SLC44A5: variants seen among roughly 807,000 people sequenced by gnomAD.
SLC44A5 encodes the protein choline transporter-like protein 5.
Under a neutral mutation model 101.8 loss-of-function variants are expected in SLC44A5, and 57 were observed. That is an observed-to-expected ratio of 0.56 (90% CI 0.45 to 0.70). The LOEUF (loss-of-function observed/expected upper bound fraction) is 0.70, where lower values mean the gene tolerates loss of function less well. SLC44A5 is among the 30% of genes least tolerant of loss of function. The pLI, the probability that SLC44A5 is intolerant of heterozygous loss-of-function variation, is 0.00. For missense variants in SLC44A5, 737 were observed against 853.1 expected (o/e 0.86, Z 1.70); for synonymous variants, 281 against 290.9 (o/e 0.97, Z 0.35).
At chr1:75,482,390 T>C (rs1439526965) in intron 2 of SLC44A5, among the ~76,000 whole-genome samples, 1 of 152,004 alleles carries the variant, frequency 6.6e-6, no homozygotes, top group African/African-American at 2.4e-5. Context: ...CTGCACATTG[T>C]GCACATGTAC....
At chr1:75,304,292 AG>A (rs1654741835) in intron 4 of SLC44A5, among the ~76,000 whole-genome samples, 5 of 68,944 alleles carry the variant, frequency 7.3e-5, no homozygotes, top group South Asian at 4.4e-4. Flanking sequence ...ATTTTTAAAT[AG>A]GTGTGTGTGT....
intron 1 of SLC44A5, among the ~76,000 whole-genome samples, chr1:75,609,208 T>C (rs1675507047): frequency 6.6e-6 from 1 of 151,840 alleles, no homozygotes; most frequent in African/African-American, 2.4e-5. Flanking sequence ...AAGGACTAAC[T>C]GGGCTGGGAG....
chr1:75,435,236 C>T (rs1411867199), intron 2 of SLC44A5, among the ~76,000 whole-genome samples: 1 of 152,076 alleles, frequency 6.6e-6, no homozygotes. Context: ...GTACAAGGTA[C>T]TAGAGTTTCA....
the SLC44A5 span, among the ~76,000 whole-genome samples, chr1:75,639,060 G>A: frequency 9.2e-5 from 14 of 152,192 alleles, no homozygotes; most frequent in Admixed American, 4.6e-4. Context: ...ATGGGGGGAA[G>A]AGAGTTGGAA....
At chr1:75,420,942 ATAAAT>A (rs1437238348) in intron 2 of SLC44A5, among the ~76,000 whole-genome samples, 5 of 152,260 alleles carry the variant, frequency 3.3e-5, no homozygotes, top group African/African-American at 9.6e-5. Flanking sequence ...TGGCTATAGA[ATAAAT>A]AGCCATTAGA....
intron 2 of SLC44A5, among the ~76,000 whole-genome samples, chr1:75,512,184 TG>T (rs1386827921): frequency 6.6e-6 from 1 of 152,154 alleles, no homozygotes; most frequent in Non-Finnish European, 1.5e-5. Context: ...ATTTTATAAA[TG>T]AAAAATAAAA....
the SLC44A5 span, chr1:75,641,239 A>C: frequency 7.3e-6 from 3 of 409,248 alleles, no homozygotes; most frequent in Non-Finnish European, 4.4e-6. Flanking sequence ...ATTTGTCTCC[A>C]TCATAATCTT....
chr1:75,333,321 G>A (rs141450730), intron 4 of SLC44A5, among the ~76,000 whole-genome samples: 10 of 152,194 alleles, frequency 6.6e-5, no homozygotes, highest in Admixed American at 3.9e-4. Context: ...TTCTTCATTC[G>A]GAATGGAGCA....
At chr1:75,488,785 G>C (rs1668287470) in intron 2 of SLC44A5, among the ~76,000 whole-genome samples, 1 of 152,178 alleles carries the variant, frequency 6.6e-6, no homozygotes, top group African/African-American at 2.4e-5. Context: ...TATATGTTCT[G>C]TGGTGAAATA....
chr1:75,250,342 T>C (rs1262669220), intron 7 of SLC44A5, among the ~76,000 whole-genome samples: 1 of 152,228 alleles, frequency 6.6e-6, no homozygotes, highest in East Asian at 1.9e-4. Context: ...TTGTTCTTTT[T>C]TATGGCTGCA....
At chr1:75,432,072 T>C (rs1268645018) in intron 2 of SLC44A5, among the ~76,000 whole-genome samples, 1 of 152,176 alleles carries the variant, frequency 6.6e-6, no homozygotes, top group Non-Finnish European at 1.5e-5. Context: ...CTCCTCCCCC[T>C]TCATTTTTGT....
At chr1:75,456,658 G>A (rs1009012757) in intron 2 of SLC44A5, among the ~76,000 whole-genome samples, 4 of 152,174 alleles carry the variant, frequency 2.6e-5, no homozygotes, top group Non-Finnish European at 5.9e-5. Context: ...GGATTTGTGA[G>A]AGAATGAGGG....
intron 2 of SLC44A5, among the ~76,000 whole-genome samples, chr1:75,442,291 G>A (rs1255879462): frequency 6.6e-6 from 1 of 152,064 alleles, no homozygotes; most frequent in Non-Finnish European, 1.5e-5. Flanking sequence ...CCTTGTTAAA[G>A]ATGGTAAAGG....
intron 3 of SLC44A5, among the ~76,000 whole-genome samples, chr1:75,351,846 CAAAA>C (rs71071942): frequency 1.8e-4 from 5 of 28,412 alleles, no homozygotes; most frequent in East Asian, 4.3e-3. Flanking sequence ...CACACTTTAC[CAAAA>C]AAAAAAAAAA....
At chr1:75,637,428 A>C in the SLC44A5 span, among the ~76,000 whole-genome samples, 7 of 152,186 alleles carry the variant, frequency 4.6e-5, no homozygotes, top group East Asian at 1.4e-3. Flanking sequence ...CAAAAATTGC[A>C]CTTACATTAA....
chr1:75,348,095 C>G (rs569196564), intron 3 of SLC44A5, among the ~76,000 whole-genome samples: 5 of 151,954 alleles, frequency 3.3e-5, no homozygotes, highest in Non-Finnish European at 7.4e-5. Flanking sequence ...AAAACTATAC[C>G]TGCTAGCTTC....
intron 5 of SLC44A5, 50 bp downstream of exon 5, chr1:75,300,558 CTTAG>C (rs1654373497): frequency 2.5e-6 from 3 of 1,188,234 alleles, no homozygotes; most frequent in Non-Finnish European, 3.6e-6. Context: ...GTGACACTGA[CTTAG>C]TTATTCCATT....
Position 75,359,665 on chromosome 1 carries a change from C to T in SLC44A5, c.53-20035G>A, listed in dbSNP as rs116910265. Among the ~76,000 whole-genome samples, 34 of 152,234 alleles carry T rather than the reference C, an allele frequency of 2.2e-4. No homozygotes were observed. In the East Asian group the frequency reaches 6.4e-3, roughly 29 times the overall value. On this transcript the variant is annotated intron_variant, in intron 3 of 23. Transcript: ENST00000370859. ...TGATAACTCTATAACATATTGATTT[C>T]AATTCCTTTGGATATATACTCAGAA...
At chr1:75,448,722 T>G (rs960366022) in intron 2 of SLC44A5, among the ~76,000 whole-genome samples, 2 of 152,170 alleles carry the variant, frequency 1.3e-5, no homozygotes, top group African/African-American at 4.8e-5. Context: ...CTCCCTACCT[T>G]TACATTAGCC....
Sources: allele counts gnomAD v4.1 joint callset (sites outside exome capture counted in the v4.1 genomes callset), GRCh38; gene constraint gnomAD v4.1.1; transcripts MANE v1.5; gene names NCBI Gene and HGNC (gene_info 2026-07-23, HGNC 2026-07-21).